GALNT1: variants seen among roughly 807,000 people sequenced by gnomAD.
GALNT1 encodes polypeptide N-acetylgalactosaminyltransferase 1.
In GALNT1, 17 loss-of-function variants were observed where a neutral mutation model predicts 65.7. That is an observed-to-expected ratio of 0.26 (90% CI 0.18 to 0.39). The LOEUF is 0.39. Among genes scored for constraint, GALNT1 ranks in the 10% least tolerant of loss-of-function variants. GALNT1 has a pLI of 1.00. For missense variants in GALNT1, 460 were observed against 672.8 expected (o/e 0.68, Z 3.50); for synonymous variants, 210 against 219.7 (o/e 0.96, Z 0.39).
chr18:35,608,345 G>T (rs2046676734), intron 1 of GALNT1, among the ~76,000 whole-genome samples: 1 of 152,088 alleles, frequency 6.6e-6, no homozygotes, highest in South Asian at 2.1e-4. Context: ...AGATTTCTAA[G>T]AATTTTGCCA....
intron 1 of GALNT1, among the ~76,000 whole-genome samples, chr18:35,635,090 C>T (rs146653586): frequency 2.5e-3 from 375 of 152,232 alleles, no homozygotes; most frequent in Middle Eastern, 0.014. Flanking sequence ...TAAAGCTGTA[C>T]TCATGGCTCA....
intron 1 of GALNT1, among the ~76,000 whole-genome samples, chr18:35,615,557 C>T (rs1337181747): frequency 6.6e-6 from 1 of 152,124 alleles, no homozygotes; most frequent in Non-Finnish European, 1.5e-5. Flanking sequence ...ATTAATTTGG[C>T]TGTACTAAAA....
intron 1 of GALNT1, among the ~76,000 whole-genome samples, chr18:35,646,382 G>A (rs2144333190): frequency 6.6e-6 from 1 of 152,254 alleles, no homozygotes; most frequent in South Asian, 2.1e-4. Flanking sequence ...CAGGATATTG[G>A]CTCAGGATCT....
At chr18:35,630,101 A>G (rs1298116358) in intron 1 of GALNT1, among the ~76,000 whole-genome samples, 11 of 152,158 alleles carry the variant, frequency 7.2e-5, no homozygotes, top group African/African-American at 2.7e-4. Flanking sequence ...CGCAATAATA[A>G]TGGGAGACTT....
chr18:35,616,527 C>T (rs993363442), intron 1 of GALNT1, among the ~76,000 whole-genome samples: 11 of 152,044 alleles, frequency 7.2e-5, no homozygotes, highest in African/African-American at 2.7e-4. Flanking sequence ...TTTTTTTTAT[C>T]TGACCTGCAT....
intron 1 of GALNT1, among the ~76,000 whole-genome samples, chr18:35,647,737 G>A (rs1439645203): frequency 6.6e-6 from 1 of 152,158 alleles, no homozygotes; most frequent in East Asian, 1.9e-4. Flanking sequence ...CCAAGAGAAT[G>A]AAGCTTTGTT....
At position 35,607,401 on chromosome 18, in the gene GALNT1, T is replaced by C. The variant is rs950486590; in HGVS notation, c.-104+25539T>C. Among the ~76,000 whole-genome samples the C allele has an allele frequency of 2.0e-5, 3 of 152,174 alleles. No individual in the cohort carries two copies. The East Asian group carries it at 5.8e-4, about 29-fold the overall frequency. On this transcript the variant is annotated intron_variant, in intron 1 of 11. Coordinates refer to ENST00000269195, the MANE Select transcript of GALNT1 (RefSeq NM_020474.4). ...ATTGTGTTTCTGCTTCCTTCTGTGA[T>C]GCCTTACTCTATGGTTGTTTCTGCC...
chr18:35,660,747 A>G (rs1359658122), intron 2 of GALNT1, among the ~76,000 whole-genome samples: 1 of 152,234 alleles, frequency 6.6e-6, no homozygotes, highest in Non-Finnish European at 1.5e-5. Flanking sequence ...CATGCATTTC[A>G]TCCAAACTCG....
Position 35,646,165 on chromosome 18 carries a change from G to C in GALNT1, c.-103-8395G>C, listed in dbSNP as rs558825995. Among the ~76,000 whole-genome samples the C allele has an allele frequency of 3.5e-4, 53 of 152,278 alleles. No individual in the cohort carries two copies. The South Asian group carries it at 4.8e-3, about 14-fold the overall frequency. ...AGCATGTCTTACCATGGAGGAGCAG[G>C]AGAGAGAAAGAGGTGGGGGAAGTGC... On this transcript the variant is annotated intron_variant, in intron 1 of 11. Coordinates refer to ENST00000269195, the MANE Select transcript of GALNT1 (RefSeq NM_020474.4).
chr18:35,634,634 A>G (rs1382818317), intron 1 of GALNT1, among the ~76,000 whole-genome samples: 4 of 152,226 alleles, frequency 2.6e-5, no homozygotes, highest in African/African-American at 4.8e-5. Flanking sequence ...TTAGAGAGTC[A>G]GTGCCCGAGA....
chr18:35,599,997 A>G (rs929026373), intron 1 of GALNT1, among the ~76,000 whole-genome samples: 2 of 152,092 alleles, frequency 1.3e-5, no homozygotes, highest in African/African-American at 2.4e-5. Context: ...TGGGATTGCT[A>G]TGGCTATTTG....
chr18:35,655,674 T>C (rs2047375610), intron 2 of GALNT1, among the ~76,000 whole-genome samples: 1 of 152,086 alleles, frequency 6.6e-6, no homozygotes, highest in African/African-American at 2.4e-5. Context: ...ATGTTTTCTT[T>C]AAGCATATAG....
chr18:35,598,464 A>T (rs111628599), intron 1 of GALNT1, among the ~76,000 whole-genome samples: 4 of 152,110 alleles, frequency 2.6e-5, no homozygotes, highest in African/African-American at 9.7e-5. Flanking sequence ...GTTCTCACAT[A>T]CGAGTGAGAA....
intron 9 of GALNT1, among the ~76,000 whole-genome samples, chr18:35,700,709 T>C (rs1199512025): frequency 8.5e-5 from 13 of 152,196 alleles, no homozygotes; most frequent in Admixed American, 8.5e-4. Flanking sequence ...TCCCAAACTC[T>C]TGAGCTCAAG....
chr18:35,675,995 T>C (rs1212049568), intron 3 of GALNT1, among the ~76,000 whole-genome samples: 1 of 152,178 alleles, frequency 6.6e-6, no homozygotes, highest in Non-Finnish European at 1.5e-5. Context: ...CTAGCCACCA[T>C]TTATAACAGA....
In GALNT1 at chr18:35,619,881, TAA is replaced by T. The variant is rs146797471; in HGVS notation, c.-103-34674_-103-34673del. ...CTAGGAAGTAAAAGGTTTTTTTAAA[TAA>T]AAAATGTAAAGCCTATTCAAAAGTA... On this transcript the variant is annotated intron_variant, in intron 1 of 11. Coordinates refer to ENST00000269195, the MANE Select transcript of GALNT1 (RefSeq NM_020474.4). Among the ~76,000 whole-genome samples, 967 of 152,272 alleles carry T rather than the reference TAA, an allele frequency of 6.4e-3. 10 individuals are homozygous for T. Among genetic ancestry groups the T allele is most frequent in the African/African-American group, 0.022 (894 of 41,538 alleles).
intron 1 of GALNT1, among the ~76,000 whole-genome samples, chr18:35,616,415 A>G (rs2046784190): frequency 1.3e-5 from 2 of 152,206 alleles, no homozygotes; most frequent in East Asian, 3.9e-4. Flanking sequence ...AGTGCTCAGC[A>G]CACAGTAAGT....
At chr18:35,612,167 ACTGT>A (rs898017939) in intron 1 of GALNT1, among the ~76,000 whole-genome samples, 6 of 152,222 alleles carry the variant, frequency 3.9e-5, no homozygotes, top group African/African-American at 1.4e-4. Flanking sequence ...GCTGCAAAAT[ACTGT>A]CTTAGGTTTG....
At chr18:35,602,487 T>C (rs551879744) in intron 1 of GALNT1, among the ~76,000 whole-genome samples, 1 of 152,170 alleles carries the variant, frequency 6.6e-6, no homozygotes, top group Non-Finnish European at 1.5e-5. Context: ...TGAACACCAG[T>C]GATTCTTAGA....
Sources: allele counts gnomAD v4.1 joint callset (sites outside exome capture counted in the v4.1 genomes callset), GRCh38; gene constraint gnomAD v4.1.1; transcripts MANE v1.5; gene names NCBI Gene and HGNC (gene_info 2026-07-23, HGNC 2026-07-21).